TMPRSS15: variants seen among roughly 807,000 people sequenced by gnomAD.
TMPRSS15 encodes the protein transmembrane serine protease 15, also known as enteropeptidase.
Under a neutral mutation model 125.3 loss-of-function variants are expected in TMPRSS15, and 128 were observed. The ratio of observed to expected loss-of-function variants is 1.02; its 90% CI spans 0.89 to 1.18. The LOEUF is 1.18. Ranked by LOEUF, TMPRSS15 falls within the 50% of genes most tolerant of loss-of-function variation. The pLI is 0.00. For synonymous variants in TMPRSS15, 446 were observed against 423.2 expected, an observed-to-expected ratio of 1.05 and a Z score of -0.66; for missense variants, 1,283 against 1,212.7, an observed-to-expected ratio of 1.06 and a Z score of -0.86.
chr21:18,299,143 C>T (rs1026042825), intron 18 of TMPRSS15, among the ~76,000 whole-genome samples: 1 of 152,132 alleles, frequency 6.6e-6, no homozygotes, highest in African/African-American at 2.4e-5. Context: ...CCTTGGAATT[C>T]CTATTGTTAA....
Position 18,422,371 on chromosome 21 carries a change from A to T in TMPRSS15, c.11-24042T>A, listed in dbSNP as rs553971228. 2.1e-3 allele frequency among the ~76,000 whole-genome samples: 297 copies of T among 138,502 alleles called. 5 individuals carry two copies. In the South Asian group the frequency reaches 0.038, roughly 17 times the overall value. 90.9% of individuals were successfully genotyped at this position (138,502 alleles called of 152,430 possible). ...ATAATTTACCTTCTTATGTTTATTT[A>T]AAAAAAAAAATCACAATGTGGTTTA... On this transcript the variant is annotated intron_variant, in intron 1 of 7. Transcript: ENST00000422787.
At chr21:18,426,071 A>G (rs2076202056) in intron 1 of TMPRSS15, among the ~76,000 whole-genome samples, 1 of 152,064 alleles carries the variant, frequency 6.6e-6, no homozygotes, top group Admixed American at 6.5e-5. Context: ...TTTCTCTGTA[A>G]TGATGTCTTC....
chr21:18,454,594 G>A (rs968965358), intron 1 of TMPRSS15, among the ~76,000 whole-genome samples: 1 of 152,100 alleles, frequency 6.6e-6, no homozygotes, highest in Non-Finnish European at 1.5e-5. Flanking sequence ...CTTAGTCCCA[G>A]TACAAAGCCA....
At chr21:18,475,566 T>C (rs919688615) in intron 1 of TMPRSS15, among the ~76,000 whole-genome samples, 2 of 152,218 alleles carry the variant, frequency 1.3e-5, no homozygotes, top group Non-Finnish European at 2.9e-5. Flanking sequence ...CACTCCAGCC[T>C]GGATGACAGA....
At chr21:18,392,888 C>T (rs958499146) in intron 3 of TMPRSS15, among the ~76,000 whole-genome samples, 1 of 152,138 alleles carries the variant, frequency 6.6e-6, no homozygotes, top group Non-Finnish European at 1.5e-5. Flanking sequence ...CATGAGAACT[C>T]ATCCACTATC....
In TMPRSS15 at chr21:18,312,963, C is replaced by G; in HGVS notation, c.2147G>C (p.Cys716Ser). The change falls in exon 18 of 25, where the codon TGT (cysteine) becomes TCT (serine). Residue 716 changes from cysteine to serine, a missense_variant. Cys to Ser is a moderately radical substitution (Grantham distance 112). Coordinates refer to ENST00000284885, the MANE Select transcript of TMPRSS15 (RefSeq NM_002772.3). ...NWTTQISNDV[C>S]QLLGLGSGNS... ...TACTTACCCTAGTCCCAGCAGTTGA[C>G]AAACATCATTTGAAATCTGGGTGGT... 1 of 1,613,890 alleles carries G rather than the reference C, an allele frequency of 6.2e-7. No homozygotes were observed. The highest frequency in any genetic ancestry group is 8.5e-7 in the Non-Finnish European group (1 of 1,179,866).
rs562619940 is a variant in TMPRSS15, at chr21:18,421,677, C to A, written c.11-23348G>T. On this transcript the variant is annotated intron_variant, in intron 1 of 7. Coordinates refer to the TMPRSS15 transcript ENST00000422787. ...TCTATTCCTTTGTTTGAGGATTGTA[C>A]TCTGTCTTTTGAATGCTCTTCTCCT... 2.0e-5 allele frequency among the ~76,000 whole-genome samples: 3 copies of A among 152,200 alleles called. No homozygotes were observed. In the East Asian group the frequency reaches 5.8e-4, roughly 29 times the overall value.
chr21:18,358,543 A>T (rs2075647683), intron 8 of TMPRSS15, among the ~76,000 whole-genome samples: 1 of 151,900 alleles, frequency 6.6e-6, no homozygotes, highest in Non-Finnish European at 1.5e-5. Flanking sequence ...TTTAAGAGCA[A>T]ATGTGACTTA....
intron 17 of TMPRSS15, 86 bp from the exon 18 acceptor site, chr21:18,313,163 T>C: frequency 1.1e-6 from 1 of 885,622 alleles, no homozygotes; most frequent in East Asian, 2.4e-5. Flanking sequence ...GTACAGAGCT[T>C]CATTTAGACA....
chr21:18,340,985 T>C (rs2146984851), intron 13 of TMPRSS15, among the ~76,000 whole-genome samples: 1 of 152,346 alleles, frequency 6.6e-6, no homozygotes, highest in South Asian at 2.1e-4. Context: ...GTCTTTGATT[T>C]TCAGGAAAAA....
At chr21:18,277,309 T>TA (rs145576456) in intron 23 of TMPRSS15, among the ~76,000 whole-genome samples, 2,856 of 152,048 alleles carry the variant, frequency 0.019, 87 homozygotes, top group African/African-American at 0.064. Flanking sequence ...ACTCAGCTTT[T>TA]AAAAAAAATC....
In TMPRSS15 at chr21:18,343,540, C is replaced by T; in HGVS notation, c.1394G>A (p.Gly465Glu). ...AACTGTTTCATTTAGGGTTACTTGTCCATAATTCCAATTGTCTCCATAATT... is the reference window on the plus strand; with the variant it reads ...AACTGTTTCATTTAGGGTTACTTGTTCATAATTCCAATTGTCTCCATAATT... Reference protein sequence around the residue: ...EGNYGDNWNYGQVTLNETVKF... With the variant: ...EGNYGDNWNYEQVTLNETVKF... Residue 465 changes from glycine (G) to glutamate (E), a missense_variant, in exon 12 of 25, where the codon GGA (glycine) becomes GAA (glutamate). Gly to Glu is a moderately conservative substitution (Grantham distance 98, BLOSUM62 -2). Transcript: ENST00000284885. 2 of 1,612,882 alleles carry T rather than the reference C, an allele frequency of 1.2e-6. No homozygotes were observed. Among genetic ancestry groups the T allele is most frequent in the Non-Finnish European group, 1.7e-6 (2 of 1,179,108 alleles).
chr21:18,400,819 C>T (rs2076087961), intron 1 of TMPRSS15, among the ~76,000 whole-genome samples: 2 of 152,060 alleles, frequency 1.3e-5, no homozygotes, highest in African/African-American at 4.8e-5. Context: ...GAAATACTTG[C>T]AAACGATGCA....
intron 21 of TMPRSS15, among the ~76,000 whole-genome samples, chr21:18,289,466 C>T (rs8127654): frequency 0.8 from 122,037 of 151,860 alleles, 49,285 homozygotes; most frequent in Non-Finnish European, 0.83. Context: ...GAGCCAAGAT[C>T]GTGCCATTGC....
intron 1 of TMPRSS15, among the ~76,000 whole-genome samples, chr21:18,452,450 G>A (rs560577687): frequency 6.6e-6 from 1 of 152,196 alleles, no homozygotes; most frequent in South Asian, 2.1e-4. Flanking sequence ...GACATATTCA[G>A]CCCAACAGCT....
intron 18 of TMPRSS15, among the ~76,000 whole-genome samples, chr21:18,307,183 T>C (rs2075047067): frequency 6.6e-6 from 1 of 152,230 alleles, no homozygotes; most frequent in South Asian, 2.1e-4. Flanking sequence ...ATGGAGACTA[T>C]TTAATAAGCA....
chr21:18,280,528 A>G (rs1022823898), intron 22 of TMPRSS15, among the ~76,000 whole-genome samples: 43 of 148,526 alleles, frequency 2.9e-4, no homozygotes, highest in Admixed American at 1.5e-3. Flanking sequence ...GCGAGCCAAG[A>G]CTGTGCCACT....
intron 1 of TMPRSS15, among the ~76,000 whole-genome samples, chr21:18,419,548 C>T (rs1460133655): frequency 1.3e-5 from 2 of 152,080 alleles, no homozygotes; most frequent in African/African-American, 4.8e-5. Context: ...TTTCTAAAAA[C>T]TCTAACCTTC....
intron 19 of TMPRSS15, among the ~76,000 whole-genome samples, chr21:18,295,276 C>T (rs1270355369): frequency 6.6e-6 from 1 of 152,154 alleles, no homozygotes; most frequent in Non-Finnish European, 1.5e-5. Flanking sequence ...TAAATACCAA[C>T]TTTTTTCAGT....
Sources: allele counts gnomAD v4.1 joint callset (sites outside exome capture counted in the v4.1 genomes callset), GRCh38; gene constraint gnomAD v4.1.1; transcripts MANE v1.5; gene names NCBI Gene and HGNC (gene_info 2026-07-23, HGNC 2026-07-21).